The following LDHB variants were observed in gnomAD, a reference collection of about 807,000 sequenced individuals.
LDHB encodes the protein L-lactate dehydrogenase B chain.
LDHB carries 18 observed loss-of-function variants against 33.4 expected under a neutral mutation model. The observed-to-expected ratio is 0.54, with a 90% CI of 0.37 to 0.80. The LOEUF is 0.80. Ranked by LOEUF, LDHB falls within the 30% of genes least tolerant of loss-of-function variation. The pLI is 0.00. For missense variants in LDHB, 345 were observed against 407.9 expected, an observed-to-expected ratio of 0.85 and a Z score of 1.33; for synonymous variants, 121 against 140.6, an observed-to-expected ratio of 0.86 and a Z score of 0.98.
In LDHB at chr12:21,635,709, C is replaced by A; in HGVS notation, c.838G>T (p.Gly280Trp). ...ACTTCATTCTCAATGCCATACATCC[C>A]CTGCCAGAACAACAAAGCATCGAGA... ...RIHPVSTMVKGMYGIENEVFL... is the reference protein window; with the variant it reads ...RIHPVSTMVKWMYGIENEVFL... Residue 280 changes from glycine to tryptophan, a missense_variant and splice_region_variant, in exon 8 of 8, where the codon GGG becomes TGG. Gly to Trp is a radical substitution (Grantham distance 184). Transcript: ENST00000350669. 6.2e-7 allele frequency: 1 copy of A among 1,613,296 alleles called. No individual in the cohort carries two copies. The highest frequency in any genetic ancestry group is 2.2e-5 in the East Asian group (1 of 44,850).
chr12:21,653,221 A>C (rs1373946998), intron 2 of LDHB, among the ~76,000 whole-genome samples: 1 of 152,210 alleles, frequency 6.6e-6, no homozygotes, highest in South Asian at 2.1e-4. Context: ...TTGAAGTGGA[A>C]GGTGATAATA....
rs74069308 is a variant in LDHB, at chr12:21,651,202, C to G, written c.129+3341G>C. The stretch of plus-strand genomic sequence containing the variant: ...TGCTGCCTTGGTGTGTATGGTGCCC[C>G]TGCAGTTGTGTGCTCCATTGCTCTG... On this transcript the variant is annotated intron_variant, in intron 2 of 7. Coordinates refer to ENST00000350669, the MANE Select transcript of LDHB (RefSeq NM_002300.8). 1.5e-3 allele frequency among the ~76,000 whole-genome samples: 230 copies of G among 152,304 alleles called. 1 individual carries two copies. The highest frequency in any genetic ancestry group is 5.2e-3 in the African/African-American group (216 of 41,568).
Position 21,635,354 on chromosome 12 carries a change from G to C in LDHB, c.*188C>G, listed in dbSNP as rs1938187468. On this transcript the variant is annotated 3_prime_UTR_variant, in exon 8 of 8. Transcript: ENST00000350669. ...CCAGAAACAGAAGCACACTACAATA[G>C]TTAATTTTATTTGTTCAAGAGCTCA... is the stretch of plus-strand genomic sequence containing the variant. 9 of 611,012 alleles carry C rather than the reference G, an allele frequency of 1.5e-5. No homozygotes were observed. In the South Asian group the frequency reaches 1.7e-4, roughly 12 times the overall value. The allele number at this position is 611,012 out of a possible 1,614,324, so 37.8% of individuals were successfully genotyped here.
At chr12:21,637,313 T>C (rs1938246196) in intron 6 of LDHB, 119 bp from the exon 7 acceptor site, 1 of 766,142 alleles carries the variant, frequency 1.3e-6, no homozygotes, top group East Asian at 2.6e-5. Context: ...TTACCCTTTA[T>C]TGCCTTAGTG....
At chr12:21,648,401 C>T (rs1025981053) in intron 2 of LDHB, among the ~76,000 whole-genome samples, 1 of 151,922 alleles carries the variant, frequency 6.6e-6, no homozygotes, top group Non-Finnish European at 1.5e-5. Context: ...TTCGCATCCC[C>T]TGAATACTGT....
intron 2 of LDHB, among the ~76,000 whole-genome samples, chr12:21,648,389 G>A (rs1377939775): frequency 6.6e-6 from 1 of 152,014 alleles, no homozygotes; most frequent in Non-Finnish European, 1.5e-5. Flanking sequence ...ATATATGTGG[G>A]TTTCGCATCC....
At chr12:21,653,859 T>C (rs538160991) in intron 2 of LDHB, among the ~76,000 whole-genome samples, 5 of 152,294 alleles carry the variant, frequency 3.3e-5, no homozygotes, top group Non-Finnish European at 7.3e-5. Flanking sequence ...CACAAAGCCA[T>C]GCATGGCACA....
Position 21,654,581 on chromosome 12 carries a change from G to T in LDHB, c.91C>A (p.Gln31Lys). 9 of 1,614,018 alleles carry T rather than the reference G, an allele frequency of 5.6e-6. No homozygotes were observed. Among genetic ancestry groups the T allele is most frequent in the Non-Finnish European group, 7.6e-6 (9 of 1,179,892 alleles). Residue 31 changes from glutamine (Q) to lysine (K), a missense_variant, in exon 2 of 8, where the codon CAA (glutamine) becomes AAA (lysine). Physicochemically the swap from Gln to Lys is moderately conservative, Grantham distance 53. Transcript: ENST00000350669. ...CTGATAGCACACGCCATACCAACTT[G>T]TCCAACACCCACTACAGTGATCTTA... is the stretch of plus-strand genomic sequence containing the variant. ...NNKITVVGVG[Q>K]VGMACAISIL...
At chr12:21,640,969 G>A (rs1246721943) in intron 5 of LDHB, among the ~76,000 whole-genome samples, 1 of 151,956 alleles carries the variant, frequency 6.6e-6, no homozygotes, top group Non-Finnish European at 1.5e-5. Flanking sequence ...TAAATAAAGA[G>A]GGAAGATGAA....
At chr12:21,653,091 A>C (rs1257515435) in intron 2 of LDHB, among the ~76,000 whole-genome samples, 1 of 152,224 alleles carries the variant, frequency 6.6e-6, no homozygotes, top group African/African-American at 2.4e-5. Flanking sequence ...CAGTGAAATA[A>C]ATAAGAAAAG....
chr12:21,647,739 G>A (rs1938565012), intron 2 of LDHB, among the ~76,000 whole-genome samples: 1 of 151,862 alleles, frequency 6.6e-6, no homozygotes, highest in African/African-American at 2.4e-5. Context: ...GGAGTGTAGT[G>A]GTGCAATCTC....
At chr12:21,645,426 C>T (rs573534427) in intron 3 of LDHB, among the ~76,000 whole-genome samples, 55 of 152,232 alleles carry the variant, frequency 3.6e-4, no homozygotes, top group African/African-American at 1.2e-3. Flanking sequence ...AGGAAGGCCT[C>T]TTTGCAGTTG....
intron 2 of LDHB, among the ~76,000 whole-genome samples, chr12:21,648,362 G>A (rs1938587037): frequency 6.6e-6 from 1 of 152,008 alleles, no homozygotes; most frequent in South Asian, 2.1e-4. Flanking sequence ...GTATTCACCG[G>A]ATGCAAAAGA....
chr12:21,656,731 A>G (rs1180678776), intron 1 of LDHB, among the ~76,000 whole-genome samples: 1 of 152,186 alleles, frequency 6.6e-6, no homozygotes, highest in Non-Finnish European at 1.5e-5. Flanking sequence ...TGAGAAGAAA[A>G]TGGTCTGCAT....
chr12:21,654,618 T>G lies in LDHB; in HGVS notation c.54A>C (p.Thr18=), dbSNP rs11547929. ...CTACAGTGATCTTATTGTTTGGAACTGTTGCCTCTTCTTCCGCAACTGGTG... is the reference window on the plus strand; with the variant it reads ...CTACAGTGATCTTATTGTTTGGAACGGTTGCCTCTTCTTCCGCAACTGGTG... The part of the protein sequence containing the change: ...LIAPVAEEEA[T]VPNNKITVVG... The change falls in exon 2 of 8, where the codon ACA becomes ACC. Residue 18 remains threonine, a synonymous_variant. Transcript: ENST00000350669. The G allele has an allele frequency of 6.2e-7, 1 of 1,614,072 alleles. No homozygotes were observed. The highest frequency in any genetic ancestry group is 8.5e-7 in the Non-Finnish European group (1 of 1,179,878).
At chr12:21,654,294 G>C (rs1938775960) in intron 2 of LDHB, 2 of 505,254 alleles carry the variant, frequency 4.0e-6, no homozygotes, top group East Asian at 3.7e-5. Flanking sequence ...GTGTATACTG[G>C]ATGATAGTAT....
intron 2 of LDHB, among the ~76,000 whole-genome samples, chr12:21,652,257 C>T (rs769153968): frequency 2.6e-5 from 4 of 152,046 alleles, no homozygotes; most frequent in Admixed American, 6.6e-5. Context: ...TAAATAGTAG[C>T]ATTGAATAAA....
At chr12:21,643,766 G>C (rs1938435624) in intron 4 of LDHB, 169 bp downstream of exon 4, 1 of 621,264 alleles carries the variant, frequency 1.6e-6, no homozygotes, top group Admixed American at 2.7e-5. Context: ...ATCTGGCCTG[G>C]GACAGAGGCA....
In LDHB at chr12:21,641,990, C is replaced by T. The variant is rs200917173; in HGVS notation, c.557G>A (p.Cys186Tyr). ...ATGTTCCCCCAAAATCCATCCATGG[C>T]AGCTGCTGGGATGAATGCCAAGTTT... Reference protein sequence around the residue: ...AEKLGIHPSSCHGWILGEHGD... With the variant: ...AEKLGIHPSSYHGWILGEHGD... The change falls in exon 5 of 8, where the codon TGC becomes TAC. Residue 186 changes from cysteine (C) to tyrosine (Y), a missense_variant. Cys to Tyr is a radical substitution (Grantham distance 194, BLOSUM62 -2). Coordinates refer to ENST00000350669, the MANE Select transcript of LDHB (RefSeq NM_002300.8). The T allele has an allele frequency of 3.7e-6, 6 of 1,613,460 alleles. No homozygotes were observed. The East Asian group carries it at 8.9e-5, about 24-fold the overall frequency.
Sources: gnomAD v4.1 joint callset for allele counts (sites outside exome capture counted in the v4.1 genomes callset) on GRCh38, gnomAD v4.1.1 for gene constraint, MANE v1.5 for transcripts, NCBI Gene and HGNC (gene_info 2026-07-23, HGNC 2026-07-21) for gene names.